Variants in AGO2 observed in about 807,000 individuals in gnomAD.
AGO2 encodes argonaute RISC catalytic component 2.
A neutral mutation model predicts 102.3 loss-of-function variants in AGO2; 5 were observed. That is an observed-to-expected ratio of 0.05 (90% CI 0.03 to 0.10). The LOEUF (loss-of-function observed/expected upper bound fraction) is 0.10, where lower values mean the gene tolerates loss of function less well. AGO2 is among the 10% of genes least tolerant of loss of function. AGO2 has a pLI of 1.00. For synonymous variants in AGO2, 449 were observed against 473.1 expected (o/e 0.95, Z 0.66); for missense variants, 541 against 1,183.7 (o/e 0.46, Z 7.97).
rs139665188 is a variant in AGO2, at chr8:140,587,400, A to G, written c.23-2089T>C. On this transcript the variant is annotated intron_variant, in intron 1 of 18. Coordinates refer to ENST00000220592, the MANE Select transcript of AGO2 (RefSeq NM_012154.5). ...TAAAAGTTTTCCAGGCAGAGGGGCC[A>G]GGGAAGGTCCACCTTCCCGTACCTT... 5.1e-4 allele frequency among the ~76,000 whole-genome samples: 77 copies of G among 152,386 alleles called. 1 individual carries two copies. The East Asian group carries it at 0.013, about 25-fold the overall frequency.
chr8:140,576,502 A>G (rs1015871220), intron 2 of AGO2, among the ~76,000 whole-genome samples: 1 of 152,228 alleles, frequency 6.6e-6, no homozygotes, highest in East Asian at 1.9e-4. Context: ...GCAGAAGAGG[A>G]TACACAAATG....
Position 140,531,905 on chromosome 8 carries a change from GA to G in AGO2, c.*138del. 1 of 756,720 alleles carries G rather than the reference GA, an allele frequency of 1.3e-6. No homozygotes were observed. Among genetic ancestry groups the G allele is most frequent in the Non-Finnish European group, 2.2e-6 (1 of 460,712 alleles). 46.9% of individuals were successfully genotyped at this position (756,720 alleles called of 1,614,324 possible). A position where few individuals can be genotyped will look rare whatever the true frequency, so the allele number is the denominator to read the frequency against. On this transcript the variant is annotated 3_prime_UTR_variant, in exon 19 of 19. Coordinates refer to ENST00000220592, the MANE Select transcript of AGO2 (RefSeq NM_012154.5). ...GAAATCTGGGACGGAAGGCATTCTG[GA>G]AAACGGAGAATCTAATAAAATCAAT...
Position 140,557,068 on chromosome 8 carries a change from C to T in AGO2, c.1026+21G>A. 3 of 1,606,146 alleles carry T rather than the reference C, an allele frequency of 1.9e-6. No homozygotes were observed. Among genetic ancestry groups the T allele is most frequent in the Non-Finnish European group, 2.6e-6 (3 of 1,175,350 alleles). ...CCGCCCTCCCAAGCCCCCAGAGACA[C>T]ACAGGAAGAGGGTGACTTGCCTCCA... On this transcript the variant is annotated intron_variant, in intron 8 of 18. Transcript: ENST00000220592. The surrounding 1 kb of genome is among the most constrained non-coding windows in gnomAD (Gnocchi z 5.9).
chr8:140,586,710 C>T (rs929194269), intron 1 of AGO2, among the ~76,000 whole-genome samples: 7 of 152,120 alleles, frequency 4.6e-5, no homozygotes, highest in Non-Finnish European at 1.0e-4. Flanking sequence ...CCCTGAGGAC[C>T]GACTGAGCTT....
chr8:140,520,392 G>T lies in AGO2; in HGVS notation c.*11652C>A, dbSNP rs1372557102. On this transcript the variant is annotated 3_prime_UTR_variant, in exon 19 of 19. Transcript: ENST00000220592. The stretch of plus-strand genomic sequence containing the variant: ...AACAAGTAACTGTTAGGTTTTCCAT[G>T]AATTTATTGCAAAAATAGTGCAAAC... The T allele has an allele frequency of 2.0e-5, 3 of 152,164 alleles. No individual in the cohort carries two copies. The highest frequency in any genetic ancestry group is 6.5e-5 in the Admixed American group (1 of 15,274). 9.4% of individuals were successfully genotyped at this position (152,164 alleles called of 1,614,324 possible).
At chr8:140,548,484 T>C (rs2072940671) in intron 12 of AGO2, among the ~76,000 whole-genome samples, 1 of 152,158 alleles carries the variant, frequency 6.6e-6, no homozygotes, top group South Asian at 2.1e-4. Context: ...CCCCCCGCTA[T>C]TCCTGGTCTC....
At chr8:140,548,601 T>C (rs2072942727) in intron 12 of AGO2, among the ~76,000 whole-genome samples, 2 of 152,188 alleles carry the variant, frequency 1.3e-5, no homozygotes, top group South Asian at 4.1e-4. Flanking sequence ...CTTCCCTTCT[T>C]TTTTTGGGAT....
chr8:140,566,032 T>C (rs1412740835), intron 3 of AGO2, among the ~76,000 whole-genome samples: 1 of 148,780 alleles, frequency 6.7e-6, no homozygotes, highest in African/African-American at 2.5e-5. Context: ...AGAAATTGTT[T>C]CAAAAAAAAA....
At chr8:140,548,361 C>A (rs567888658) in intron 12 of AGO2, among the ~76,000 whole-genome samples, 1 of 150,346 alleles carries the variant, frequency 6.7e-6, no homozygotes, top group Non-Finnish European at 1.5e-5. Flanking sequence ...GGGTCACTCA[C>A]ACCACGGCGC....
At chr8:140,546,649 C>A (rs1397734000) in intron 13 of AGO2, among the ~76,000 whole-genome samples, 1 of 152,248 alleles carries the variant, frequency 6.6e-6, no homozygotes, top group Non-Finnish European at 1.5e-5. Flanking sequence ...TGACTGGGAG[C>A]TCCAACAGAT....
At chr8:140,614,279 G>A (rs1035425202) in intron 1 of AGO2, among the ~76,000 whole-genome samples, 6 of 152,186 alleles carry the variant, frequency 3.9e-5, no homozygotes, top group Admixed American at 1.3e-4. Context: ...AGCCGAGATC[G>A]TGCCACTGCA....
rs186505329 is a variant in AGO2, at chr8:140,571,922, C to T, written c.336+890G>A. On this transcript the variant is annotated intron_variant, in intron 3 of 18. Transcript: ENST00000220592. Reference sequence around the variant, plus strand: ...CTAATTTTTATATTTTTAGTAGAGACGGGGTTTCACCATACTGGCCAGGCT... The same window carrying T: ...CTAATTTTTATATTTTTAGTAGAGATGGGGTTTCACCATACTGGCCAGGCT... Among the ~76,000 whole-genome samples the T allele has an allele frequency of 2.7e-4, 41 of 152,098 alleles. 1 individual carries two copies. Among genetic ancestry groups the T allele is most frequent in the African/African-American group, 9.6e-4 (40 of 41,494 alleles).
intron 1 of AGO2, among the ~76,000 whole-genome samples, chr8:140,603,974 C>T (rs1265147670): frequency 1.3e-5 from 2 of 152,258 alleles, no homozygotes; most frequent in African/African-American, 4.8e-5. Flanking sequence ...GCTGCCCCTC[C>T]CTCAGGGTGA....
intron 3 of AGO2, among the ~76,000 whole-genome samples, chr8:140,570,870 A>G (rs1333584096): frequency 2.0e-5 from 3 of 152,142 alleles, no homozygotes; most frequent in African/African-American, 7.2e-5. Context: ...TTAAATATCA[A>G]ATACCATATA....
chr8:140,579,951 C>T (rs987228247), intron 2 of AGO2, among the ~76,000 whole-genome samples: 3 of 152,192 alleles, frequency 2.0e-5, no homozygotes. Flanking sequence ...TCTGGGGCCA[C>T]TTGACGGAGC....
intron 1 of AGO2, among the ~76,000 whole-genome samples, chr8:140,629,863 G>C (rs975293636): frequency 6.8e-6 from 1 of 146,854 alleles, no homozygotes; most frequent in African/African-American, 2.5e-5. Flanking sequence ...GAGGAGAGGG[G>C]AGGGGAGGGG....
intron 10 of AGO2, among the ~76,000 whole-genome samples, chr8:140,552,567 T>C (rs1161186098): frequency 2.0e-5 from 3 of 152,280 alleles, no homozygotes; most frequent in Non-Finnish European, 4.4e-5. Context: ...AGACACGTGA[T>C]AGAAACAAAT....
At chr8:140,552,726 GCA>G (rs1491512238) in intron 10 of AGO2, among the ~76,000 whole-genome samples, 6,543 of 132,516 alleles carry the variant, frequency 0.049, 194 homozygotes, top group African/African-American at 0.094. Context: ...ACACGCACAT[GCA>G]CGCGCGCGCG....
chr8:140,639,108 A>G (rs1293452816), upstream of AGO2, among the ~76,000 whole-genome samples: 1 of 152,226 alleles, frequency 6.6e-6, no homozygotes, highest in East Asian at 1.9e-4. Flanking sequence ...GGCTCAAGTG[A>G]TCCACCAGCC....
Sources: allele counts gnomAD v4.1 joint callset (sites outside exome capture counted in the v4.1 genomes callset), GRCh38; gene constraint gnomAD v4.1.1; non-coding constraint Gnocchi (gnomAD v3.1); transcripts MANE v1.5; gene names NCBI Gene and HGNC (gene_info 2026-07-23, HGNC 2026-07-21).